TUSC3: variants seen among roughly 807,000 people sequenced by gnomAD.
The protein encoded by TUSC3 is tumor suppressor candidate 3.
A neutral mutation model predicts 44.8 loss-of-function variants in TUSC3; 45 were observed. The observed-to-expected ratio is 1.00, with a 90% CI of 0.79 to 1.29. The LOEUF (loss-of-function observed/expected upper bound fraction) is 1.29. Ranked by LOEUF, TUSC3 falls within the 50% of genes most tolerant of loss-of-function variation. TUSC3 has a pLI of 0.00. For synonymous variants in TUSC3, 212 were observed against 152.9 expected (o/e 1.39, Z -2.85); for missense variants, 519 against 437.9 (o/e 1.19, Z -1.65).
intron 1 of TUSC3, among the ~76,000 whole-genome samples, chr8:15,615,416 C>G (rs76830538): frequency 6.6e-6 from 1 of 152,030 alleles, no homozygotes; most frequent in African/African-American, 2.4e-5. Flanking sequence ...AACCAAAAAC[C>G]AGATTGAGCT....
intron 2 of TUSC3, among the ~76,000 whole-genome samples, chr8:15,530,957 A>G (rs1033229834): frequency 6.6e-6 from 1 of 152,160 alleles, no homozygotes; most frequent in Non-Finnish European, 1.5e-5. Flanking sequence ...TCACCCCAGA[A>G]AACACTGCTT....
the TUSC3 span, among the ~76,000 whole-genome samples, chr8:15,798,531 G>C: frequency 1.3e-5 from 2 of 152,142 alleles, no homozygotes; most frequent in South Asian, 4.1e-4. Context: ...GAGAAAGAGG[G>C]AAGCTCTGTG....
upstream of TUSC3, chr8:15,540,232 G>A (rs1359002091): frequency 4.0e-6 from 3 of 752,426 alleles, no homozygotes; most frequent in South Asian, 9.3e-5. Context: ...CGCCTTTCCA[G>A]GTCTTCTCCC....
chr8:15,529,364 G>A (rs141481644), intron 2 of TUSC3, among the ~76,000 whole-genome samples: 1 of 152,124 alleles, frequency 6.6e-6, no homozygotes, highest in South Asian at 2.1e-4. Flanking sequence ...TATGAAAAAA[G>A]GGCAAAGTTT....
intron 1 of TUSC3, among the ~76,000 whole-genome samples, chr8:15,597,230 C>T (rs770530011): frequency 8.5e-5 from 13 of 152,092 alleles, no homozygotes; most frequent in Non-Finnish European, 1.3e-4. Context: ...TTAAATTTCT[C>T]TCAGTCCAAC....
At chr8:15,451,578 C>G (rs1025607920) in intron 1 of TUSC3, among the ~76,000 whole-genome samples, 5 of 152,192 alleles carry the variant, frequency 3.3e-5, no homozygotes, top group African/African-American at 1.2e-4. Flanking sequence ...CTCCACACCC[C>G]TTTCCCTATA....
At chr8:15,465,473 C>T (rs1490515139) in intron 1 of TUSC3, among the ~76,000 whole-genome samples, 1 of 152,120 alleles carries the variant, frequency 6.6e-6, no homozygotes, top group South Asian at 2.1e-4. Context: ...TCAGTCTATA[C>T]CAACAATGAT....
At chr8:15,626,021 C>A (rs1223871932) in intron 2 of TUSC3, among the ~76,000 whole-genome samples, 2 of 152,184 alleles carry the variant, frequency 1.3e-5, no homozygotes, top group Non-Finnish European at 2.9e-5. Flanking sequence ...TGCTATAGTT[C>A]CAGCTGTGGC....
chr8:15,735,783 T>C (rs912140650), intron 7 of TUSC3, among the ~76,000 whole-genome samples: 1 of 152,210 alleles, frequency 6.6e-6, no homozygotes, highest in African/African-American at 2.4e-5. Flanking sequence ...CACTGCAAGC[T>C]CTGCCTTCCG....
In TUSC3 at chr8:15,726,367, TTATGC is replaced by T. The variant is rs767562441; in HGVS notation, c.799-4290_799-4286del. Among the ~76,000 whole-genome samples the T allele has an allele frequency of 6.6e-5, 10 of 152,316 alleles. No individual in the cohort carries two copies. In the East Asian group the frequency reaches 1.9e-3, roughly 29 times the overall value. ...CATTCATATATATTGTTTTTTCATATTATGCTATGCTATTTGTCTTCTGCATAAAA... is the reference window on the plus strand; with the variant it reads ...CATTCATATATATTGTTTTTTCATATTATGCTATTTGTCTTCTGCATAAAA... On this transcript the variant is annotated intron_variant, in intron 6 of 10. Transcript: ENST00000503731.
chr8:15,473,582 A>G (rs1000773160), intron 1 of TUSC3, among the ~76,000 whole-genome samples: 4 of 152,200 alleles, frequency 2.6e-5, no homozygotes, highest in East Asian at 1.9e-4. Context: ...GAAGAGAAAG[A>G]GTACAAAGAG....
At chr8:15,684,765 GT>G (rs1808560809) in intron 6 of TUSC3, among the ~76,000 whole-genome samples, 1 of 152,162 alleles carries the variant, frequency 6.6e-6, no homozygotes, top group Admixed American at 6.5e-5. Context: ...GTGTGGTCAA[GT>G]CCTGGGGAGT....
chr8:15,839,326 T>C, the TUSC3 span, among the ~76,000 whole-genome samples: 2 of 151,980 alleles, frequency 1.3e-5, no homozygotes, highest in Non-Finnish European at 1.5e-5. Flanking sequence ...TGACTTCCTC[T>C]TTTCCTAATG....
intron 2 of TUSC3, among the ~76,000 whole-genome samples, chr8:15,494,297 C>G (rs1318232167): frequency 6.7e-6 from 1 of 150,138 alleles, no homozygotes; most frequent in Non-Finnish European, 1.5e-5. Flanking sequence ...CCCTGAATCT[C>G]CATAGGGCTT....
intron 6 of TUSC3, among the ~76,000 whole-genome samples, chr8:15,686,893 C>G (rs955867000): frequency 1.3e-5 from 2 of 151,744 alleles, no homozygotes; most frequent in Non-Finnish European, 2.9e-5. Context: ...ACAGTGAAAC[C>G]CCGTCTCTAC....
intron 1 of TUSC3, among the ~76,000 whole-genome samples, chr8:15,469,266 A>T (rs781081682): frequency 2.6e-5 from 4 of 152,378 alleles, no homozygotes; most frequent in Non-Finnish European, 5.9e-5. Flanking sequence ...GACACATCTG[A>T]TAAAGGACTG....
At chr8:15,835,286 CTGT>C in the TUSC3 span, among the ~76,000 whole-genome samples, 1 of 152,008 alleles carries the variant, frequency 6.6e-6, no homozygotes, top group African/African-American at 2.4e-5. Flanking sequence ...TTCTATGTCT[CTGT>C]TATTTTTCCT....
At chr8:15,680,329 TTGTGTGTGTATG>T (rs1309817401) in intron 6 of TUSC3, among the ~76,000 whole-genome samples, 5 of 151,852 alleles carry the variant, frequency 3.3e-5, no homozygotes, top group East Asian at 1.9e-4. Flanking sequence ...CCTAGGTAAT[TTGTGTGTGTATG>T]TGTGTGTGTA....
intron 6 of TUSC3, among the ~76,000 whole-genome samples, chr8:15,716,217 C>G (rs1274424101): frequency 1.3e-5 from 2 of 152,148 alleles, no homozygotes; most frequent in South Asian, 4.1e-4. Context: ...GGTTGTGCCA[C>G]TGCACTCCAG....
Sources: allele counts gnomAD v4.1 joint callset (sites outside exome capture counted in the v4.1 genomes callset), GRCh38; gene constraint gnomAD v4.1.1; transcripts MANE v1.5; gene names NCBI Gene and HGNC (gene_info 2026-07-23, HGNC 2026-07-21).